The following IGFL2 variants were observed in gnomAD, a reference collection of about 807,000 sequenced individuals.
The protein encoded by IGFL2 is insulin growth factor-like family member 2.
A neutral mutation model predicts 13.9 loss-of-function variants in IGFL2; 7 were observed. That is an observed-to-expected ratio of 0.51 (90% CI 0.29 to 0.95). The LOEUF (loss-of-function observed/expected upper bound fraction) is 0.95. Ranked by LOEUF, IGFL2 falls within the 40% of genes least tolerant of loss-of-function variation. The pLI is 0.08. For synonymous variants in IGFL2, 55 were observed against 55.8 expected, an observed-to-expected ratio of 0.99 and a Z score of 0.07; for missense variants, 138 against 147.8, an observed-to-expected ratio of 0.93 and a Z score of 0.34.
chr19:46,157,455 T>A (rs1285323373), intron 1 of IGFL2, among the ~76,000 whole-genome samples: 3 of 152,192 alleles, frequency 2.0e-5, no homozygotes, highest in African/African-American at 7.2e-5. Flanking sequence ...TATTCCAGAA[T>A]GTAAGCCTGG....
chr19:46,122,697 G>A, the IGFL2 span, among the ~76,000 whole-genome samples: 1 of 150,738 alleles, frequency 6.6e-6, no homozygotes, highest in East Asian at 2.0e-4. Flanking sequence ...ACTGTTGCAT[G>A]GAAAAATGCC....
At chr19:46,119,058 G>A in the IGFL2 span, among the ~76,000 whole-genome samples, 2 of 152,202 alleles carry the variant, frequency 1.3e-5, no homozygotes, top group Middle Eastern at 3.4e-3. Context: ...CTGGTCACAA[G>A]CCCACAGCTG....
chr19:46,194,405 G>A, the IGFL2 span, among the ~76,000 whole-genome samples: 1 of 152,092 alleles, frequency 6.6e-6, no homozygotes, highest in Non-Finnish European at 1.5e-5. Flanking sequence ...TGGCACAAGC[G>A]CTTGGGTTTA....
the IGFL2 span, among the ~76,000 whole-genome samples, chr19:46,202,041 TGAG>T: frequency 1.3e-5 from 2 of 151,642 alleles, no homozygotes; most frequent in Non-Finnish European, 2.9e-5. Flanking sequence ...CTTGGCCTGG[TGAG>T]GAGCAGTGTG....
At chr19:46,080,031 C>T in the IGFL2 span, among the ~76,000 whole-genome samples, 1 of 152,184 alleles carries the variant, frequency 6.6e-6, no homozygotes, top group African/African-American at 2.4e-5. Flanking sequence ...CACATCCCTT[C>T]CTCGAGTTCA....
At chr19:46,174,716 A>G in the IGFL2 span, among the ~76,000 whole-genome samples, 10 of 152,328 alleles carry the variant, frequency 6.6e-5, no homozygotes, top group South Asian at 2.1e-3. Flanking sequence ...GGAGCTGTCA[A>G]AAATGCAGCC....
upstream of IGFL2, chr19:46,147,727 A>G (rs1973215266): frequency 6.6e-6 from 1 of 152,342 alleles, no homozygotes; most frequent in South Asian, 2.1e-4. Flanking sequence ...TCAATCTTGC[A>G]AGACCATCAT....
At chr19:46,154,666 G>A (rs1181870633) in intron 1 of IGFL2, among the ~76,000 whole-genome samples, 1 of 151,882 alleles carries the variant, frequency 6.6e-6, no homozygotes, top group East Asian at 1.9e-4. Flanking sequence ...TGCCAGGATG[G>A]TCTGGATCTC....
the IGFL2 span, among the ~76,000 whole-genome samples, chr19:46,175,414 T>A: frequency 2.0e-5 from 3 of 152,250 alleles, no homozygotes; most frequent in South Asian, 6.2e-4. Flanking sequence ...CTACAATGCC[T>A]CCATGCAGGG....
At chr19:46,137,976 CTTGACTA>C in the IGFL2 span, among the ~76,000 whole-genome samples, 1 of 152,172 alleles carries the variant, frequency 6.6e-6, no homozygotes, top group Non-Finnish European at 1.5e-5. Flanking sequence ...CTACTTAAAT[CTTGACTA>C]TCTTCATTGC....
chr19:46,175,509 G>A, the IGFL2 span, among the ~76,000 whole-genome samples: 8 of 152,100 alleles, frequency 5.3e-5, no homozygotes, highest in South Asian at 1.7e-3. Flanking sequence ...GTAATACTTT[G>A]TGCCAAAAAA....
At chr19:46,165,669 C>G (rs1312947930), downstream of IGFL2, among the ~76,000 whole-genome samples, 2 of 152,212 alleles carry the variant, frequency 1.3e-5, no homozygotes, top group Admixed American at 6.5e-5. Context: ...GATTTCTGAC[C>G]AGGCCTGGTA....
intron 3 of IGFL2, 67 bp downstream of exon 3, chr19:46,160,948 T>G: frequency 6.3e-7 from 1 of 1,582,298 alleles, no homozygotes; most frequent in African/African-American, 1.3e-5. Context: ...GGAGTCTAGA[T>G]GTCTTCATCA....
chr19:46,183,503 G>A, the IGFL2 span, among the ~76,000 whole-genome samples: 1 of 148,820 alleles, frequency 6.7e-6, no homozygotes, highest in Admixed American at 6.7e-5. Flanking sequence ...CTGTCTCCCA[G>A]TCTCTCCCCT....
chr19:46,090,427 G>T, the IGFL2 span, among the ~76,000 whole-genome samples: 441 of 152,252 alleles, frequency 2.9e-3, 3 homozygotes, highest in Middle Eastern at 0.017. Context: ...GATTGTTCTT[G>T]ATCTTGTGGC....
chr19:46,192,853 G>A, the IGFL2 span, among the ~76,000 whole-genome samples: 1 of 152,050 alleles, frequency 6.6e-6, no homozygotes, highest in Admixed American at 6.6e-5. Flanking sequence ...TTTGGCGTAG[G>A]TTTCAGTTAC....
the IGFL2 span, chr19:46,124,154 C>T: frequency 4.3e-5 from 70 of 1,609,742 alleles, 3 homozygotes; most frequent in Admixed American, 2.0e-4. Context: ...CCAACAGGAG[C>T]GTCTGGGGGC....
chr19:46,178,802 C>T, the IGFL2 span, among the ~76,000 whole-genome samples: 4 of 152,120 alleles, frequency 2.6e-5, no homozygotes, highest in African/African-American at 7.2e-5. Flanking sequence ...GTATACCTTA[C>T]GTGTATTGAT....
the IGFL2 span, among the ~76,000 whole-genome samples, chr19:46,173,064 T>G: frequency 6.6e-6 from 1 of 152,228 alleles, no homozygotes; most frequent in Non-Finnish European, 1.5e-5. Flanking sequence ...ATAGAGAAGA[T>G]TAAAGGTCTT....
Sources: allele counts gnomAD v4.1 joint callset (sites outside exome capture counted in the v4.1 genomes callset), GRCh38; gene constraint gnomAD v4.1.1; transcripts MANE v1.5; gene names NCBI Gene and HGNC (gene_info 2026-07-23, HGNC 2026-07-21).